Variants in SRPK2 observed in about 807,000 individuals in gnomAD.
SRPK2 encodes SRSF protein kinase 2.
In SRPK2, 21 loss-of-function variants were observed where a neutral mutation model predicts 90.8. The observed-to-expected ratio is 0.23, with a 90% CI of 0.16 to 0.33. The LOEUF is 0.33. SRPK2 is among the 10% of genes least tolerant of loss of function. SRPK2 has a pLI of 1.00. For missense variants in SRPK2, 620 were observed against 869.0 expected, an observed-to-expected ratio of 0.71 and a Z score of 3.60; for synonymous variants, 288 against 311.1, an observed-to-expected ratio of 0.93 and a Z score of 0.78.
At chr7:105,323,332 A>G (rs1280130211) in intron 2 of SRPK2, among the ~76,000 whole-genome samples, 1 of 152,232 alleles carries the variant, frequency 6.6e-6, no homozygotes, top group East Asian at 1.9e-4. Context: ...AATGAAGGTA[A>G]AGCCTTCTGC....
chr7:105,244,965 G>C (rs1801400697), intron 2 of SRPK2: 1 of 1,397,582 alleles, frequency 7.2e-7, no homozygotes, highest in Non-Finnish European at 1.0e-6. Context: ...TGCCAAGAAA[G>C]ACTGAGCCCC....
intron 2 of SRPK2, among the ~76,000 whole-genome samples, chr7:105,327,223 G>GC (rs1174555617): frequency 3.3e-5 from 4 of 120,122 alleles, no homozygotes; most frequent in Non-Finnish European, 2.1e-5. Context: ...TGTTTTAATG[G>GC]TTGGGGAAAA....
chr7:105,134,155 A>G (rs923618494), intron 11 of SRPK2, among the ~76,000 whole-genome samples: 1 of 152,196 alleles, frequency 6.6e-6, no homozygotes, highest in Admixed American at 6.5e-5. Context: ...GTAGAACATT[A>G]AACACTGATA....
At chr7:105,233,760 T>C (rs1799802363) in intron 2 of SRPK2, among the ~76,000 whole-genome samples, 1 of 152,020 alleles carries the variant, frequency 6.6e-6, no homozygotes, top group Admixed American at 6.6e-5. Context: ...CTCAGGAGAC[T>C]GAAGCAGGAG....
chr7:105,323,852 G>T (rs1365401380), intron 2 of SRPK2, among the ~76,000 whole-genome samples: 1 of 152,142 alleles, frequency 6.6e-6, no homozygotes, highest in Non-Finnish European at 1.5e-5. Context: ...AAAAAATTCA[G>T]CTAAGGAGGC....
chr7:105,121,716 A>G (rs932238962), intron 15 of SRPK2, among the ~76,000 whole-genome samples: 2 of 152,236 alleles, frequency 1.3e-5, no homozygotes, highest in African/African-American at 2.4e-5. Context: ...CTGCAGAGTA[A>G]AGGCTTTGTG....
At chr7:105,325,366 G>A (rs1339420276) in intron 2 of SRPK2, among the ~76,000 whole-genome samples, 1 of 151,126 alleles carries the variant, frequency 6.6e-6, no homozygotes, top group Non-Finnish European at 1.5e-5. Flanking sequence ...TATGGCTAAG[G>A]AACCCTGTTG....
intron 3 of SRPK2, among the ~76,000 whole-genome samples, chr7:105,170,953 A>AAG (rs1554435953): frequency 2.4e-4 from 11 of 46,518 alleles, no homozygotes; most frequent in Admixed American, 3.8e-4. Flanking sequence ...GAAAGAAAGA[A>AAG]AGAAAGAAAG....
intron 3 of SRPK2, among the ~76,000 whole-genome samples, chr7:105,193,473 T>C (rs1408007135): frequency 6.6e-6 from 1 of 152,234 alleles, no homozygotes; most frequent in Admixed American, 6.5e-5. Flanking sequence ...ATGTGATGCC[T>C]TCAAATTTTC....
chr7:105,170,861 A>G (rs1161311110), intron 3 of SRPK2, among the ~76,000 whole-genome samples: 1 of 70,014 alleles, frequency 1.4e-5, no homozygotes, highest in Non-Finnish European at 3.2e-5. Flanking sequence ...GAAAGAAAGA[A>G]AGAAAGAAAG....
chr7:105,309,488 G>T, intron 2 of SRPK2, among the ~76,000 whole-genome samples: 1 of 152,158 alleles, frequency 6.6e-6, no homozygotes, highest in Admixed American at 6.5e-5. Context: ...ACATACACAT[G>T]AGTATCTGCA....
intron 6 of SRPK2, among the ~76,000 whole-genome samples, chr7:105,160,948 G>T (rs957710031): frequency 1.2e-4 from 18 of 149,592 alleles, no homozygotes; most frequent in African/African-American, 4.4e-4. Context: ...ATTTTTTTTT[G>T]AGACGGAGTC....
At chr7:105,162,686 T>C (rs530317296) in intron 6 of SRPK2, among the ~76,000 whole-genome samples, 120 of 152,332 alleles carry the variant, frequency 7.9e-4, no homozygotes, top group African/African-American at 2.8e-3. Flanking sequence ...CCCAGGCTCA[T>C]TACAAAAACG....
At chr7:105,115,881 T>C (rs1259186250), downstream of SRPK2, among the ~76,000 whole-genome samples, 1 of 152,148 alleles carries the variant, frequency 6.6e-6, no homozygotes, top group African/African-American at 2.4e-5. Flanking sequence ...ATGTTTCTCA[T>C]AGAAATCACG....
At chr7:105,272,781 G>A (rs17707878) in intron 2 of SRPK2, among the ~76,000 whole-genome samples, 65,786 of 151,874 alleles carry the variant, frequency 0.43, 15,617 homozygotes, top group South Asian at 0.53. Flanking sequence ...GCTTGAATGC[G>A]ATGTCTAAAA....
intron 3 of SRPK2, among the ~76,000 whole-genome samples, chr7:105,192,982 T>C (rs1310319492): frequency 6.6e-6 from 1 of 152,190 alleles, no homozygotes; most frequent in Non-Finnish European, 1.5e-5. Context: ...TCTCCTACGC[T>C]TTCGGTTGTC....
intron 15 of SRPK2, among the ~76,000 whole-genome samples, chr7:105,122,364 A>G (rs373740463): frequency 3.5e-4 from 54 of 152,370 alleles, no homozygotes; most frequent in South Asian, 1.7e-3. Flanking sequence ...ACATCTGCCC[A>G]CACAAACTTG....
chr7:105,379,945 A>G (rs1051371593), intron 2 of SRPK2, among the ~76,000 whole-genome samples: 4 of 152,040 alleles, frequency 2.6e-5, no homozygotes, highest in Non-Finnish European at 4.4e-5. Context: ...GCCACTGCAC[A>G]CCAGCCTAGC....
At chr7:105,260,541 C>T (rs1416496187) in intron 2 of SRPK2, among the ~76,000 whole-genome samples, 1 of 152,134 alleles carries the variant, frequency 6.6e-6, no homozygotes, top group Non-Finnish European at 1.5e-5. Flanking sequence ...GGGTACATAC[C>T]CAAAGGACTA....
Sources: gnomAD v4.1 joint callset for allele counts (sites outside exome capture counted in the v4.1 genomes callset) on GRCh38, gnomAD v4.1.1 for gene constraint, MANE v1.5 for transcripts, NCBI Gene and HGNC (gene_info 2026-07-23, HGNC 2026-07-21) for gene names.